The following HOOK1 variants were observed in gnomAD, a reference collection of about 807,000 sequenced individuals.
The protein encoded by HOOK1 is hook microtubule tethering protein 1, also known as protein Hook homolog 1.
HOOK1 carries 60 observed loss-of-function variants against 112.8 expected under a neutral mutation model. The observed-to-expected ratio is 0.53, with a 90% confidence interval of 0.43 to 0.66. The LOEUF is 0.66. HOOK1 is among the 30% of genes least tolerant of loss of function. The probability of loss-of-function intolerance (pLI) is 0.00; values close to 1 mark genes in which losing one functional copy is unlikely to be tolerated. For missense variants in HOOK1, 770 were observed against 856.0 expected, an observed-to-expected ratio of 0.90 and a Z score of 1.25; for synonymous variants, 294 against 283.8, an observed-to-expected ratio of 1.04 and a Z score of -0.36.
intron 2 of HOOK1, among the ~76,000 whole-genome samples, chr1:59,826,342 GAA>G (rs548259545): frequency 2.2e-5 from 3 of 136,594 alleles, no homozygotes; most frequent in Admixed American, 7.3e-5. Flanking sequence ...AGCGCAAAAG[GAA>G]AAAAAAAAAA....
intron 3 of HOOK1, 101 bp downstream of exon 3, chr1:59,828,953 T>C: frequency 1.2e-6 from 1 of 863,322 alleles, no homozygotes; most frequent in East Asian, 2.5e-5. Context: ...ATAGTACTTT[T>C]TGTTGTGTAT....
At position 59,848,421 on chromosome 1, in the gene HOOK1, AC is replaced by A; in HGVS notation, c.1038del (p.Asn347ThrfsTer2). The A allele has an allele frequency of 6.2e-7, 1 of 1,611,130 alleles. No individual in the cohort carries two copies. On this transcript the variant is annotated frameshift_variant, in exon 11 of 22. Coordinates refer to ENST00000371208, the MANE Select transcript of HOOK1 (RefSeq NM_015888.6). LOFTEE classifies it high-confidence loss of function. ...LRKQVKTLQETNMMYMHNTVS... is the reference protein window; with the variant it reads ...LRKQVKTLQEXNMMYMHNTVS... ...CAAGCAGGTGAAAACTTTACAGGAA[AC>A]CAACATGATGTATATGCATAATACA...
chr1:59,864,988 C>A (rs1162494443), intron 17 of HOOK1, 175 bp from the exon 18 acceptor site: 1 of 577,584 alleles, frequency 1.7e-6, no homozygotes, highest in Non-Finnish European at 3.1e-6. Context: ...AATAATTTAA[C>A]CTTTTTGGCA....
At chr1:59,864,453 T>TA (rs959667124) in intron 16 of HOOK1, among the ~76,000 whole-genome samples, 179 bp from the exon 17 acceptor site, 4 of 151,834 alleles carry the variant, frequency 2.6e-5, no homozygotes, top group African/African-American at 7.3e-5. Context: ...CTTTTTGAAG[T>TA]AAAAAAAGAA....
chr1:59,843,579 T>C lies in HOOK1; in HGVS notation c.769T>C (p.Leu257=). ...YFHAQLQLEQ[L]QEENFRLEAA... is the part of the protein sequence containing the mutation. ...TCATGCACAATTACAACTAGAACAA[T>C]TACAGGAAGAAAACTTCAGGTAGCA... The change falls in exon 9 of 22, where the codon TTA becomes CTA. Residue 257 remains leucine (L), a synonymous_variant. Transcript: ENST00000371208. The C allele has an allele frequency of 6.3e-7, 1 of 1,599,180 alleles. No homozygotes were observed. Among genetic ancestry groups the C allele is most frequent in the African/African-American group, 1.4e-5 (1 of 74,058 alleles).
At chr1:59,815,225 G>A (rs1489680923) in intron 1 of HOOK1, 45 bp downstream of exon 1, 5 of 1,526,514 alleles carry the variant, frequency 3.3e-6, no homozygotes, top group Non-Finnish European at 4.4e-6. Flanking sequence ...GGGGGCCGAG[G>A]CGAGGAGCCT....
In HOOK1 at chr1:59,848,398, A is replaced by G. The variant is rs1274015875; in HGVS notation, c.1013A>G (p.Lys338Arg). The change falls in exon 11 of 22, where the codon AAG becomes AGG. Residue 338 changes from lysine (K) to arginine (R), a missense_variant. Lys to Arg is a conservative substitution (Grantham distance 26). This residue lies in a region of HOOK1 where 655 missense variants were observed against 725.9 expected (regional missense o/e 0.90). Coordinates refer to ENST00000371208, the MANE Select transcript of HOOK1 (RefSeq NM_015888.6). ...QKLQDLNDLR[K>R]QVKTLQETNM... Reference sequence around the variant, plus strand: ...CTACAAGATCTGAATGACCTTCGCAAGCAGGTGAAAACTTTACAGGAAACC... The same window carrying G: ...CTACAAGATCTGAATGACCTTCGCAGGCAGGTGAAAACTTTACAGGAAACC... 6.2e-7 allele frequency: 1 copy of G among 1,611,242 alleles called. No homozygotes were observed. Among genetic ancestry groups the G allele is most frequent in the Non-Finnish European group, 8.5e-7 (1 of 1,177,920 alleles).
chr1:59,844,767 T>C (rs2098402776), intron 9 of HOOK1, among the ~76,000 whole-genome samples: 1 of 151,962 alleles, frequency 6.6e-6, no homozygotes, highest in African/African-American at 2.4e-5. Context: ...AGCATAGAAG[T>C]CTTGTATGTC....
intron 2 of HOOK1, among the ~76,000 whole-genome samples, chr1:59,828,410 G>A (rs2098391468): frequency 6.6e-6 from 1 of 152,028 alleles, no homozygotes; most frequent in South Asian, 2.1e-4. Flanking sequence ...TAGTAAGACT[G>A]GAAATAATAA....
At chr1:59,848,642 G>A in intron 11 of HOOK1, 126 bp downstream of exon 11, 1 of 611,162 alleles carries the variant, frequency 1.6e-6, no homozygotes, top group Non-Finnish European at 2.8e-6. Context: ...AACTTATTCT[G>A]ATGAATTTCT....
At position 59,843,605 on chromosome 1, in the gene HOOK1, T is replaced by G. The variant is rs1351919830; in HGVS notation, c.788+7T>G. The stretch of plus-strand genomic sequence containing the variant: ...TACAGGAAGAAAACTTCAGGTAGCA[T>G]TTTTAATGGAAATCATTTTATGGAG... On this transcript the variant is annotated splice_region_variant and intron_variant, in intron 9 of 21. Coordinates refer to ENST00000371208, the MANE Select transcript of HOOK1 (RefSeq NM_015888.6). 1.3e-6 allele frequency: 2 copies of G among 1,591,094 alleles called. No homozygotes were observed. Among genetic ancestry groups the G allele is most frequent in the Admixed American group, 1.8e-5 (1 of 56,452 alleles).
intron 12 of HOOK1, among the ~76,000 whole-genome samples, chr1:59,850,618 T>C (rs1192944284): frequency 6.6e-6 from 1 of 151,584 alleles, no homozygotes; most frequent in Non-Finnish European, 1.5e-5. Flanking sequence ...ATAAAACTAT[T>C]CTTACTACAT....
At chr1:59,872,053 T>C (rs1341100440) in intron 21 of HOOK1, among the ~76,000 whole-genome samples, 5 of 152,228 alleles carry the variant, frequency 3.3e-5, no homozygotes, top group African/African-American at 1.2e-4. Flanking sequence ...GTGAAGATAT[T>C]GTAGCCAGGT....
intron 1 of HOOK1, among the ~76,000 whole-genome samples, chr1:59,816,843 A>G (rs2101997167): frequency 6.6e-6 from 1 of 152,322 alleles, no homozygotes; most frequent in East Asian, 1.9e-4. Flanking sequence ...GAGAAAATTG[A>G]ATGACCGTGC....
chr1:59,823,246 G>A (rs1331670366), intron 2 of HOOK1, among the ~76,000 whole-genome samples: 1 of 152,194 alleles, frequency 6.6e-6, no homozygotes, highest in African/African-American at 2.4e-5. Flanking sequence ...CGTGAACCTG[G>A]GAGGCGGAGC....
chr1:59,872,949 C>T lies in HOOK1; in HGVS notation c.2171C>T (p.Ala724Val), dbSNP rs1644081489. The T allele has an allele frequency of 1.3e-6, 2 of 1,489,464 alleles. No homozygotes were observed. Among genetic ancestry groups the T allele is most frequent in the Admixed American group, 2.2e-5 (1 of 45,038 alleles). The allele number at this position is 1,489,464 out of a possible 1,614,324, so 92.3% of individuals were successfully genotyped here. ...AGAAATCTCTCTGTTAAAGTCCCTG[C>T]TACAACATCTGATTAAACTGCAAAA... is the stretch of plus-strand genomic sequence containing the variant. ...TRRNLSVKVP[A>V]TTSD Residue 724 changes from alanine to valine, a missense_variant, in exon 22 of 22, where the codon GCT (alanine) becomes GTT (valine). Coordinates refer to ENST00000371208, the MANE Select transcript of HOOK1 (RefSeq NM_015888.6).
At position 59,852,706 on chromosome 1, in the gene HOOK1, T is replaced by C. The variant is rs541125679; in HGVS notation, c.1242+3523T>C. On this transcript the variant is annotated intron_variant, in intron 12 of 21. Coordinates refer to ENST00000371208, the MANE Select transcript of HOOK1 (RefSeq NM_015888.6). ...CACAAATTCCTTTGTATATAAGTTTTTTTTTCCTAGTTAAGATAGAAAGTT... is the reference window on the plus strand; with the variant it reads ...CACAAATTCCTTTGTATATAAGTTTCTTTTTCCTAGTTAAGATAGAAAGTT... Among the ~76,000 whole-genome samples the C allele has an allele frequency of 4.6e-5, 7 of 151,882 alleles. No homozygotes were observed. In the South Asian group the frequency reaches 1.5e-3, roughly 31 times the overall value.
intron 20 of HOOK1, among the ~76,000 whole-genome samples, chr1:59,869,741 G>A (rs917446591): frequency 3.9e-5 from 6 of 152,136 alleles, no homozygotes; most frequent in Non-Finnish European, 5.9e-5. Context: ...GCTATGTTGT[G>A]TGTTCTCAAA....
At chr1:59,820,358 A>G (rs576844045) in intron 1 of HOOK1, among the ~76,000 whole-genome samples, 2 of 152,190 alleles carry the variant, frequency 1.3e-5, no homozygotes, top group Non-Finnish European at 1.5e-5. Flanking sequence ...TATGTAGATA[A>G]TGCCATTAAG....
Sources: allele counts gnomAD v4.1 joint callset (sites outside exome capture counted in the v4.1 genomes callset), GRCh38; gene constraint gnomAD v4.1.1; regional missense constraint gnomAD v4.1.1; transcripts MANE v1.5; gene names NCBI Gene and HGNC (gene_info 2026-07-23, HGNC 2026-07-21).